SFMBT2: variants seen among roughly 807,000 people sequenced by gnomAD.
The protein encoded by SFMBT2 is Scm like with four mbt domains 2, also known as scm-like with four MBT domains protein 2.
In SFMBT2, 38 loss-of-function variants were observed where a neutral mutation model predicts 110.1. The observed-to-expected ratio is 0.35, with a 90% confidence interval of 0.27 to 0.45. SFMBT2 has a LOEUF of 0.45. SFMBT2 is among the 20% of genes least tolerant of loss of function. The pLI is 1.00. For missense variants in SFMBT2, 1,011 were observed against 1,094.9 expected, an observed-to-expected ratio of 0.92 and a Z score of 1.08; for synonymous variants, 425 against 425.4, an observed-to-expected ratio of 1.00 and a Z score of 0.01.
rs768766997 is a variant in SFMBT2, at chr10:7,188,713, G to A, written c.1719C>T (p.Asn573=). Residue 573 remains asparagine (N), a synonymous_variant, in exon 16 of 21, where the codon AAC becomes AAT. Transcript: ENST00000397167. ...ATACCCTTCCAGGCTTGTAGGCTGC[G>A]TTGATTATCATGCTAAGAACCTTTT... ...VLKEVLSMII[N]AAYKPGRVLR... The A allele has an allele frequency of 5.6e-5, 91 of 1,612,576 alleles. No individual in the cohort carries two copies. The highest frequency in any genetic ancestry group is 2.7e-4 in the East Asian group (12 of 44,844).
intron 1 of SFMBT2, among the ~76,000 whole-genome samples, chr10:7,392,508 C>T (rs930554007): frequency 2.0e-5 from 3 of 151,570 alleles, no homozygotes; most frequent in Non-Finnish European, 2.9e-5. Flanking sequence ...AGCGAGACTC[C>T]GTCTCAAAGG....
chr10:7,250,735 C>T (rs961064330), intron 7 of SFMBT2, among the ~76,000 whole-genome samples: 1 of 152,216 alleles, frequency 6.6e-6, no homozygotes, highest in African/African-American at 2.4e-5. Context: ...ACAGCCTCAC[C>T]AGCATCTGTT....
At chr10:7,393,001 AT>A (rs1341229204) in intron 1 of SFMBT2, among the ~76,000 whole-genome samples, 866 of 70,248 alleles carry the variant, frequency 0.012, 61 homozygotes, top group African/African-American at 0.081. Flanking sequence ...ATATATATAT[AT>A]ATATATATAT....
chr10:7,270,986 C>G (rs537402456), intron 7 of SFMBT2, among the ~76,000 whole-genome samples: 2 of 151,970 alleles, frequency 1.3e-5, no homozygotes, highest in Non-Finnish European at 2.9e-5. Flanking sequence ...TATATGAACT[C>G]AAAAATTTTA....
intron 1 of SFMBT2, among the ~76,000 whole-genome samples, chr10:7,382,572 G>A (rs144247105): frequency 3.7e-4 from 57 of 152,112 alleles, no homozygotes; most frequent in African/African-American, 1.2e-3. Context: ...TTCAGTCCTC[G>A]ATCCACCATG....
intron 4 of SFMBT2, chr10:7,286,488 C>T (rs1842092597): frequency 5.4e-6 from 2 of 368,258 alleles, no homozygotes; most frequent in Admixed American, 6.4e-5. Flanking sequence ...TCCATGGGTT[C>T]CCCATCCCTG....
chr10:7,251,902 C>T (rs1036325362), intron 7 of SFMBT2, among the ~76,000 whole-genome samples: 1 of 152,162 alleles, frequency 6.6e-6, no homozygotes, highest in Non-Finnish European at 1.5e-5. Flanking sequence ...GCCTCTATCA[C>T]CCCGGCTTTC....
chr10:7,197,960 CTTT>C (rs1838832101), intron 14 of SFMBT2: 1 of 983,960 alleles, frequency 1.0e-6, no homozygotes. Context: ...TGATTTTCTT[CTTT>C]TGAGAAAGAG....
At chr10:7,352,445 C>T (rs1271116134) in intron 4 of SFMBT2, among the ~76,000 whole-genome samples, 1 of 152,226 alleles carries the variant, frequency 6.6e-6, no homozygotes, top group African/African-American at 2.4e-5. Flanking sequence ...GCTTCAGCCT[C>T]CTGAGTAGCT....
In SFMBT2 at chr10:7,160,583, G is replaced by C. The variant is rs1408547251; in HGVS notation, c.*3187C>G. The C allele has an allele frequency of 6.6e-6, 1 of 152,214 alleles. No individual in the cohort carries two copies. The highest frequency in any genetic ancestry group is 1.5e-5 in the Non-Finnish European group (1 of 68,068). The allele number at this position is 152,214 out of a possible 1,614,324, so 9.4% of individuals were successfully genotyped here. ...CGGAGAAGAAACGGTACCATCCAGG[G>C]AAGGAATGCGGGGCATCACTTTTTG... is the stretch of plus-strand genomic sequence containing the variant. On this transcript the variant is annotated 3_prime_UTR_variant, in exon 21 of 21. Transcript: ENST00000397167.
At chr10:7,193,656 G>A (rs999505785) in intron 15 of SFMBT2, among the ~76,000 whole-genome samples, 1 of 152,016 alleles carries the variant, frequency 6.6e-6, no homozygotes, top group Non-Finnish European at 1.5e-5. Flanking sequence ...TCCGCTCCCC[G>A]TTGGCCTCTT....
At chr10:7,173,822 C>G (rs1195711964) in intron 17 of SFMBT2, among the ~76,000 whole-genome samples, 2 of 152,170 alleles carry the variant, frequency 1.3e-5, no homozygotes, top group African/African-American at 2.4e-5. Flanking sequence ...ATGGCAAATG[C>G]ACCACCCCTG....
intron 9 of SFMBT2, among the ~76,000 whole-genome samples, chr10:7,236,147 C>T (rs987006959): frequency 6.6e-6 from 1 of 151,992 alleles, no homozygotes; most frequent in African/African-American, 2.4e-5. Flanking sequence ...CCATTCACCA[C>T]AGCAAGCAGA....
chr10:7,376,150 T>C (rs941865812), intron 2 of SFMBT2, among the ~76,000 whole-genome samples: 9 of 152,100 alleles, frequency 5.9e-5, no homozygotes, highest in African/African-American at 1.7e-4. Flanking sequence ...TGTCAGCATA[T>C]TGTTCTGCTT....
intron 4 of SFMBT2, among the ~76,000 whole-genome samples, chr10:7,361,273 C>T (rs1844708914): frequency 1.3e-5 from 2 of 152,180 alleles, no homozygotes; most frequent in Non-Finnish European, 2.9e-5. Context: ...CTTAATATTA[C>T]TGAAATGTCA....
At chr10:7,272,630 C>T (rs554377961) in intron 7 of SFMBT2, among the ~76,000 whole-genome samples, 15 of 152,266 alleles carry the variant, frequency 9.9e-5, no homozygotes, top group East Asian at 5.8e-4. Flanking sequence ...CTTCTCTCCA[C>T]GTGGCTCCTG....
chr10:7,232,020 G>A (rs907001870), intron 9 of SFMBT2, among the ~76,000 whole-genome samples: 1 of 152,160 alleles, frequency 6.6e-6, no homozygotes, highest in Non-Finnish European at 1.5e-5. Flanking sequence ...AGGGAGGGAG[G>A]AAAACAGCAG....
intron 1 of SFMBT2, among the ~76,000 whole-genome samples, chr10:7,405,818 C>T (rs12779223): frequency 7.8e-6 from 1 of 127,534 alleles, no homozygotes; most frequent in South Asian, 2.9e-4. Context: ...ACACTAGGCC[C>T]GATTCCCCCC....
intron 4 of SFMBT2, among the ~76,000 whole-genome samples, chr10:7,335,580 G>A (rs867838674): frequency 1.9e-4 from 7 of 36,746 alleles, no homozygotes; most frequent in Non-Finnish European, 3.2e-4. Flanking sequence ...AACAGAAACA[G>A]AAACACACAC....
Sources: gnomAD v4.1 joint callset for allele counts (sites outside exome capture counted in the v4.1 genomes callset) on GRCh38, gnomAD v4.1.1 for gene constraint, MANE v1.5 for transcripts, NCBI Gene and HGNC (gene_info 2026-07-23, HGNC 2026-07-21) for gene names.